Variants in TNRC6A observed in about 807,000 individuals in gnomAD.
The protein encoded by TNRC6A is trinucleotide repeat-containing gene 6A protein.
TNRC6A carries 44 observed loss-of-function variants against 221.2 expected under a neutral mutation model. The ratio of observed to expected loss-of-function variants is 0.20; its 90% confidence interval spans 0.16 to 0.26. The LOEUF is 0.26. Among genes scored for constraint, TNRC6A ranks in the 10% least tolerant of loss-of-function variants. The pLI is 1.00. For missense variants in TNRC6A, 2,199 were observed against 2,404.4 expected (o/e 0.91, Z 1.79); for synonymous variants, 847 against 838.5 (o/e 1.01, Z -0.18).
intron 2 of TNRC6A, among the ~76,000 whole-genome samples, chr16:24,686,562 T>G (rs909431722): frequency 1.3e-5 from 2 of 152,196 alleles, no homozygotes; most frequent in African/African-American, 4.8e-5. Flanking sequence ...TACTCATTCT[T>G]TCTTTCATTT....
chr16:24,785,761 A>G (rs2057952815), intron 5 of TNRC6A, among the ~76,000 whole-genome samples: 1 of 152,116 alleles, frequency 6.6e-6, no homozygotes, highest in South Asian at 2.1e-4. Flanking sequence ...TCGATGGCCA[A>G]TCTTGTTTTC....
intron 2 of TNRC6A, among the ~76,000 whole-genome samples, chr16:24,660,779 T>C (rs1205879837): frequency 6.8e-6 from 1 of 146,060 alleles, no homozygotes; most frequent in Admixed American, 7.0e-5. Flanking sequence ...TCTCGCTCTG[T>C]CGCCCAGGCT....
At chr16:24,730,555 C>T (rs905260964) in intron 2 of TNRC6A, among the ~76,000 whole-genome samples, 24 of 151,506 alleles carry the variant, frequency 1.6e-4, no homozygotes, top group Non-Finnish European at 2.8e-4. Flanking sequence ...GCATTCTCAC[C>T]CTTTTAGAAT....
intron 2 of TNRC6A, among the ~76,000 whole-genome samples, chr16:24,672,511 G>T (rs894227282): frequency 6.6e-6 from 1 of 151,958 alleles, no homozygotes; most frequent in Non-Finnish European, 1.5e-5. Context: ...GTGTGATCAC[G>T]GCTCACTGCA....
At chr16:24,822,677 G>A (rs113640668) in intron 23 of TNRC6A, among the ~76,000 whole-genome samples, 197 bp from the exon 24 acceptor site, 11 of 152,102 alleles carry the variant, frequency 7.2e-5, no homozygotes, top group African/African-American at 2.2e-4. Context: ...AGGCCAGAGC[G>A]GTATGGCTCT....
chr16:24,664,918 GA>G (rs770404025), intron 2 of TNRC6A: 4 of 455,842 alleles, frequency 8.8e-6, no homozygotes, highest in Non-Finnish European at 1.8e-5. Flanking sequence ...CGGAAGTGAC[GA>G]CAGACAGAAG....
upstream of TNRC6A, among the ~76,000 whole-genome samples, chr16:24,729,252 C>T (rs1375243051): frequency 6.6e-6 from 1 of 151,130 alleles, no homozygotes; most frequent in Admixed American, 6.6e-5. Flanking sequence ...ATTCAAAAGC[C>T]GCGCGGGCTC....
intron 1 of TNRC6A, among the ~76,000 whole-genome samples, chr16:24,625,662 C>T (rs1157480422): frequency 1.4e-5 from 2 of 138,562 alleles, no homozygotes; most frequent in South Asian, 2.4e-4. Flanking sequence ...GGAGGCGGAG[C>T]TTGCAGTGAG....
At position 24,677,149 on chromosome 16, in the gene TNRC6A, G is replaced by A. The variant is rs191548203; in HGVS notation, n.402+36140G>A. Among the ~76,000 whole-genome samples the A allele has an allele frequency of 6.8e-4, 100 of 147,910 alleles. 1 individual carries two copies. Among genetic ancestry groups the A allele is most frequent in the South Asian group, 2.8e-3 (13 of 4,682 alleles). ...CTTCCTTAAATCTATTTCCTGTCCC[G>A]TTTCCTTTTTTTTTCTTTTTTTTTT... On this transcript the variant is annotated intron_variant and non_coding_transcript_variant, in intron 2 of 2. Coordinates refer to the TNRC6A transcript ENST00000566108.
At chr16:24,758,211 A>G (rs568930842) in intron 3 of TNRC6A, 128 bp from the exon 4 acceptor site, 34 of 890,062 alleles carry the variant, frequency 3.8e-5, no homozygotes, top group African/African-American at 8.5e-5. Flanking sequence ...CAGTTCATCT[A>G]TTTGAGAAAT....
rs80063088 is a variant in TNRC6A at position 24,721,848 on chromosome 16, A to G, written n.403-28878A>G. ...GAACGAACTTAATACACGCAATCATATGAATGACTCTCACAGGCACGTTTA... is the reference window on the plus strand; with the variant it reads ...GAACGAACTTAATACACGCAATCATGTGAATGACTCTCACAGGCACGTTTA... On this transcript the variant is annotated intron_variant and non_coding_transcript_variant, in intron 2 of 2. Coordinates refer to the TNRC6A transcript ENST00000566108. Among the ~76,000 whole-genome samples the G allele has an allele frequency of 5.5e-3, 840 of 152,382 alleles. 9 individuals carry two copies. Among genetic ancestry groups the G allele is most frequent in the Middle Eastern group, 0.01 (3 of 294 alleles).
At chr16:24,787,084 A>G (rs908097874) in intron 5 of TNRC6A, among the ~76,000 whole-genome samples, 3 of 152,182 alleles carry the variant, frequency 2.0e-5, no homozygotes, top group African/African-American at 7.2e-5. Flanking sequence ...TCTTAAACCC[A>G]AGCATTCTGG....
At chr16:24,627,676 CTT>C (rs1901093964) in intron 1 of TNRC6A, among the ~76,000 whole-genome samples, 1 of 142,686 alleles carries the variant, frequency 7.0e-6, no homozygotes. Flanking sequence ...TAACAGGTCT[CTT>C]TCATGTTTTC....
intron 2 of TNRC6A, among the ~76,000 whole-genome samples, chr16:24,657,317 C>CAAAAAAAAAAAAAAAAAAAAAAAAAA (rs56241898): frequency 1.1e-5 from 1 of 88,172 alleles, no homozygotes; most frequent in Admixed American, 1.5e-4. Flanking sequence ...GACCCTATCT[C>CAAAAAAAAAAAAAAAAAAAAAAAAAA]AAAAAAAAAA....
chr16:24,645,996 G>A (rs953149886), intron 2 of TNRC6A, among the ~76,000 whole-genome samples: 3 of 152,108 alleles, frequency 2.0e-5, no homozygotes, highest in Admixed American at 2.0e-4. Flanking sequence ...TTCAGCCTGG[G>A]CAACAGAGCA....
At chr16:24,664,305 T>C (rs2055098369) in intron 2 of TNRC6A, among the ~76,000 whole-genome samples, 1 of 151,526 alleles carries the variant, frequency 6.6e-6, no homozygotes, top group African/African-American at 2.4e-5. Context: ...CACTCCAGTG[T>C]GGGGGACAGA....
In TNRC6A at chr16:24,740,266, A is replaced by AT. The variant is rs1238670364; in HGVS notation, c.53+9973dup. ...ACCAGAGACTAATTATTAAAAAAAA[A>AT]TTTTTTTAAAGATTGCATTGACTAT... On this transcript the variant is annotated intron_variant, in intron 2 of 24. Coordinates refer to ENST00000395799, the MANE Select transcript of TNRC6A (RefSeq NM_014494.4). Among the ~76,000 whole-genome samples the AT allele has an allele frequency of 2.6e-5, 4 of 152,272 alleles. No individual in the cohort carries two copies. The South Asian group carries it at 6.2e-4, about 24-fold the overall frequency.
intron 1 of TNRC6A, among the ~76,000 whole-genome samples, chr16:24,613,435 A>C (rs1900163701): frequency 6.7e-6 from 1 of 148,320 alleles, no homozygotes; most frequent in African/African-American, 2.5e-5. Context: ...GCAACTATTA[A>C]AGCATTTTAT....
chr16:24,818,336 C>T (rs542727469), intron 20 of TNRC6A, among the ~76,000 whole-genome samples: 7 of 152,222 alleles, frequency 4.6e-5, no homozygotes, highest in East Asian at 1.9e-4. Context: ...ATTGCTAGAG[C>T]GCATCCTCAC....
Sources: gnomAD v4.1 joint callset for allele counts (sites outside exome capture counted in the v4.1 genomes callset) on GRCh38, gnomAD v4.1.1 for gene constraint, MANE v1.5 for transcripts, NCBI Gene and HGNC (gene_info 2026-07-23, HGNC 2026-07-21) for gene names.